AGO4: variants seen among roughly 807,000 people sequenced by gnomAD.
The protein encoded by AGO4 is argonaute RISC component 4.
A neutral mutation model predicts 104.7 loss-of-function variants in AGO4; 33 were observed. That is an observed-to-expected ratio of 0.32 (90% CI 0.24 to 0.42). The LOEUF (loss-of-function observed/expected upper bound fraction) is 0.42, where lower values mean the gene tolerates loss of function less well. Among genes scored for constraint, AGO4 ranks in the 10% least tolerant of loss-of-function variants. The pLI, the probability that AGO4 is intolerant of heterozygous loss-of-function variation, is 1.00. For missense variants in AGO4, 711 were observed against 1,083.4 expected, an observed-to-expected ratio of 0.66 and a Z score of 4.83; for synonymous variants, 331 against 364.7, an observed-to-expected ratio of 0.91 and a Z score of 1.05.
At chr1:35,810,959 C>A (rs1643481997) in intron 1 of AGO4, among the ~76,000 whole-genome samples, 3 of 148,638 alleles carry the variant, frequency 2.0e-5, no homozygotes, top group African/African-American at 7.5e-5. Flanking sequence ...TGGTGAAACT[C>A]CGTCTCTACT....
chr1:35,829,645 T>C (rs962394416), intron 7 of AGO4, among the ~76,000 whole-genome samples: 4 of 151,908 alleles, frequency 2.6e-5, no homozygotes, highest in Admixed American at 6.6e-5. Flanking sequence ...AAGACCAGCC[T>C]GGCCAACATG....
At chr1:35,823,666 G>A (rs61776933) in intron 3 of AGO4, among the ~76,000 whole-genome samples, 3 of 151,380 alleles carry the variant, frequency 2.0e-5, no homozygotes, top group Non-Finnish European at 4.4e-5. Context: ...CCTGACCTCA[G>A]GTGATCCACC....
rs1643356281 is a variant in AGO4 at position 35,808,137 on chromosome 1, GGC to G, written c.-271_-270del. 3 of 155,906 alleles carry G rather than the reference GGC, an allele frequency of 1.9e-5. No individual in the cohort carries two copies. Among genetic ancestry groups the G allele is most frequent in the Admixed American group, 6.7e-5 (1 of 14,962 alleles). 9.7% of individuals were successfully genotyped at this position (155,906 alleles called of 1,614,324 possible). ...CCCCGCGCCCCCTTCCCTCCCGGCGGGCGCGCGCGCTGGCTCCCGCTCCCGCT... is the reference window on the plus strand; with the variant it reads ...CCCCGCGCCCCCTTCCCTCCCGGCGGGCGCGCGCTGGCTCCCGCTCCCGCT... On this transcript the variant is annotated 5_prime_UTR_variant, in exon 1 of 18. Coordinates refer to ENST00000373210, the MANE Select transcript of AGO4 (RefSeq NM_017629.4). The surrounding 1 kb of genome is among the most constrained non-coding windows in gnomAD (Gnocchi z 5.2).
Position 35,850,949 on chromosome 1 carries a change from C to T in AGO4, c.2373C>T (p.Thr791=), listed in dbSNP as rs1644689152. The part of the protein sequence containing the change: ...LQLLTYQLCH[T]YVRCTRSVSI... ...TACTGACTTACCAGCTGTGTCACAC[C>T]TATGTGAGGTGCACTCGCTCAGTCT... The change falls in exon 17 of 18, where the codon ACC becomes ACT. Residue 791 remains threonine, a synonymous_variant. Coordinates refer to ENST00000373210, the MANE Select transcript of AGO4 (RefSeq NM_017629.4). 3 of 1,614,100 alleles carry T rather than the reference C, an allele frequency of 1.9e-6. No homozygotes were observed. Among genetic ancestry groups the T allele is most frequent in the Middle Eastern group, 1.6e-4 (1 of 6,062 alleles).
intron 1 of AGO4, among the ~76,000 whole-genome samples, chr1:35,814,925 T>C (rs1387117262): frequency 6.6e-6 from 1 of 152,220 alleles, no homozygotes; most frequent in Non-Finnish European, 1.5e-5. Context: ...TCGCCCAGGC[T>C]GGAGTGCAGT....
chr1:35,821,145 A>C (rs1412482467), intron 2 of AGO4, among the ~76,000 whole-genome samples: 2 of 152,176 alleles, frequency 1.3e-5, no homozygotes, highest in Non-Finnish European at 2.9e-5. Context: ...ATGAGAATAG[A>C]GGTGAAAGTA....
rs545425954 is a variant in AGO4 at position 35,846,586 on chromosome 1, G to A, written c.2176-3571G>A. On this transcript the variant is annotated intron_variant, in intron 15 of 17. Coordinates refer to ENST00000373210, the MANE Select transcript of AGO4 (RefSeq NM_017629.4). Reference sequence around the variant, plus strand: ...CACTCCAGCCTGGGAGACAGAGTGAGACTCCATCTCAAAAAAAGATATATA... The same window carrying A: ...CACTCCAGCCTGGGAGACAGAGTGAAACTCCATCTCAAAAAAAGATATATA... Among the ~76,000 whole-genome samples the A allele has an allele frequency of 7.2e-5, 10 of 138,494 alleles. No individual in the cohort carries two copies. In the East Asian group the frequency reaches 1.9e-3, roughly 26 times the overall value. The allele number at this position is 138,494 out of a possible 152,430, so 90.9% of individuals were successfully genotyped here.
chr1:35,828,641 T>C (rs1221557455), intron 7 of AGO4, among the ~76,000 whole-genome samples: 1 of 152,090 alleles, frequency 6.6e-6, no homozygotes, highest in African/African-American at 2.4e-5. Flanking sequence ...TGCCTCAACC[T>C]CCCAAGTAGC....
intron 1 of AGO4, among the ~76,000 whole-genome samples, chr1:35,814,855 A>T (rs1014000501): frequency 1.3e-5 from 2 of 152,106 alleles, no homozygotes; most frequent in African/African-American, 4.8e-5. Context: ...TAATTTTCCT[A>T]AGTGATGTTG....
chr1:35,827,984 G>A (rs1170259222), intron 7 of AGO4, among the ~76,000 whole-genome samples: 1 of 151,306 alleles, frequency 6.6e-6, no homozygotes, highest in Non-Finnish European at 1.5e-5. Context: ...GGCTCAAACA[G>A]TTTGCCCGCC....
At chr1:35,840,842 TG>T (rs1201699420) in intron 13 of AGO4, among the ~76,000 whole-genome samples, 1 of 152,212 alleles carries the variant, frequency 6.6e-6, no homozygotes, top group Non-Finnish European at 1.5e-5. Context: ...CTTGAACTTC[TG>T]GGCTCAAGCA....
Position 35,835,777 on chromosome 1 carries a change from C to T in AGO4, c.1565-57C>T. 6.9e-6 allele frequency: 10 copies of T among 1,446,046 alleles called. No individual in the cohort carries two copies. The Admixed American group carries it at 1.2e-4, about 18-fold the overall frequency. The allele number at this position is 1,446,046 out of a possible 1,614,324, so 89.6% of individuals were successfully genotyped here. ...AATGTGTGGGGTTTTTTTCCTTCTGCTTTTAGTAATTAGGAGACCATTTAA... is the reference window on the plus strand; with the variant it reads ...AATGTGTGGGGTTTTTTTCCTTCTGTTTTTAGTAATTAGGAGACCATTTAA... On this transcript the variant is annotated intron_variant, in intron 12 of 17. Transcript: ENST00000373210.
intron 2 of AGO4, 37 bp downstream of exon 2, chr1:35,817,084 G>C: frequency 1.3e-6 from 2 of 1,540,356 alleles, no homozygotes; most frequent in Non-Finnish European, 1.8e-6. Flanking sequence ...GTATATTTAA[G>C]TGCATATAAT....
intron 1 of AGO4, among the ~76,000 whole-genome samples, chr1:35,811,503 A>G (rs1643505369): frequency 6.6e-6 from 1 of 151,800 alleles, no homozygotes; most frequent in Non-Finnish European, 1.5e-5. Flanking sequence ...CACCTCAGGG[A>G]CCTTTGAGCA....
Position 35,825,877 on chromosome 1 carries a change from T to C in AGO4, c.626-49T>C, listed in dbSNP as rs766990263. 2.5e-6 allele frequency: 4 copies of C among 1,604,900 alleles called. No homozygotes were observed. In the South Asian group the frequency reaches 3.3e-5, roughly 13 times the overall value. On this transcript the variant is annotated intron_variant, in intron 5 of 17. Coordinates refer to ENST00000373210, the MANE Select transcript of AGO4 (RefSeq NM_017629.4). ...GCTGGTTTTTGTTTGTTTGTTTGTTTTGGCCCTTCCCTTTTCCCTGAAGTG... is the reference window on the plus strand; with the variant it reads ...GCTGGTTTTTGTTTGTTTGTTTGTTCTGGCCCTTCCCTTTTCCCTGAAGTG...
intron 1 of AGO4, among the ~76,000 whole-genome samples, chr1:35,812,789 G>T (rs549728867): frequency 6.6e-6 from 1 of 151,754 alleles, no homozygotes; most frequent in East Asian, 1.9e-4. Context: ...ACGGTGTTTT[G>T]CCATGTTTGC....
chr1:35,831,676 A>G, intron 8 of AGO4, 102 bp downstream of exon 8: 9 of 1,536,936 alleles, frequency 5.9e-6, no homozygotes, highest in Non-Finnish European at 7.0e-6. Flanking sequence ...TAATTTCTAA[A>G]ATATTTTTGG....
At chr1:35,831,729 AT>A in intron 8 of AGO4, 82 bp from the exon 9 acceptor site, 1 of 1,563,916 alleles carries the variant, frequency 6.4e-7, no homozygotes, top group Non-Finnish European at 8.6e-7. Flanking sequence ...TTTTCTGGAA[AT>A]AGAGGATATA....
At chr1:35,842,771 C>T (rs1461191148) in intron 15 of AGO4, among the ~76,000 whole-genome samples, 1 of 152,132 alleles carries the variant, frequency 6.6e-6, no homozygotes, top group Non-Finnish European at 1.5e-5. Context: ...CACTGCACTC[C>T]AGCCTGCACA....
Sources: gnomAD v4.1 joint callset for allele counts (sites outside exome capture counted in the v4.1 genomes callset) on GRCh38, gnomAD v4.1.1 for gene constraint, Gnocchi (gnomAD v3.1) non-coding constraint, MANE v1.5 for transcripts, NCBI Gene and HGNC (gene_info 2026-07-23, HGNC 2026-07-21) for gene names.